Variants in ZNF155 observed in about 807,000 individuals in gnomAD.
ZNF155 encodes the protein zinc finger protein 155.
Under a neutral mutation model 11.9 loss-of-function variants are expected in ZNF155, and 15 were observed. The ratio of observed to expected loss-of-function variants is 1.26; its 90% CI spans 0.84 to 1.94. ZNF155 has a LOEUF of 1.94. Ranked by LOEUF, ZNF155 falls within the 30% of genes most tolerant of loss-of-function variation. ZNF155 has a pLI of 0.00. For missense variants in ZNF155, 602 were observed against 639.1 expected, an observed-to-expected ratio of 0.94 and a Z score of 0.63; for synonymous variants, 212 against 219.9, an observed-to-expected ratio of 0.96 and a Z score of 0.32.
At chr19:43,990,916 A>G (rs1292747456) in intron 2 of ZNF155, among the ~76,000 whole-genome samples, 1 of 152,136 alleles carries the variant, frequency 6.6e-6, no homozygotes, top group Non-Finnish European at 1.5e-5. Context: ...GAGCAGAGGT[A>G]CCCCAGAAGG....
Position 43,991,848 on chromosome 19 carries a change from A to AT in ZNF155, c.149_150insT (p.Gln50HisfsTer36), listed in dbSNP as rs755244045. 1.2e-6 allele frequency: 2 copies of AT among 1,613,814 alleles called. No homozygotes were observed. Among genetic ancestry groups the AT allele is most frequent in the Non-Finnish European group, 1.7e-6 (2 of 1,179,794 alleles). ...TGACCTTACCTATTCACAGGGCATC[A>AT]ACCGTTCCACCAAGATACTTGCCAC... On this transcript the variant is annotated frameshift_variant, in exon 4 of 5. Coordinates refer to ENST00000270014, the MANE Select transcript of ZNF155 (RefSeq NM_198089.3). LOFTEE classifies it high-confidence loss of function.
At chr19:43,989,415 C>T (rs1474587261) in intron 2 of ZNF155, among the ~76,000 whole-genome samples, 1 of 127,844 alleles carries the variant, frequency 7.8e-6, no homozygotes, top group East Asian at 2.8e-4. Context: ...CTCCTCAGCG[C>T]AGCGGAATGA....
rs1227641578 is a variant in ZNF155 at position 43,996,096 on chromosome 19, G to A, written c.239G>A (p.Gly80Asp). 1 of 1,597,454 alleles carries A rather than the reference G, an allele frequency of 6.3e-7. No homozygotes were observed. The change falls in exon 5 of 5, where the codon GGC (glycine) becomes GAC (aspartate). Residue 80 changes from glycine to aspartate, a missense_variant. Coordinates refer to ENST00000270014, the MANE Select transcript of ZNF155 (RefSeq NM_198089.3). ...TATQREGNSG[G>D]KIQTELESVP... ...TCTTAAATCTGTGTCTTTATAGGAGGCAAGATCCAAACTGAGTTGGAGTCT... is the reference window on the plus strand; with the variant it reads ...TCTTAAATCTGTGTCTTTATAGGAGACAAGATCCAAACTGAGTTGGAGTCT...
At chr19:43,991,033 T>C (rs1158831110) in intron 2 of ZNF155, among the ~76,000 whole-genome samples, 1 of 152,204 alleles carries the variant, frequency 6.6e-6, no homozygotes, top group Non-Finnish European at 1.5e-5. Flanking sequence ...ATTGCATTGC[T>C]AGCATGTTCT....
chr19:43,997,421 A>G lies in ZNF155; in HGVS notation c.1564A>G (p.Lys522Glu). The G allele has an allele frequency of 1.2e-6, 2 of 1,606,418 alleles. No homozygotes were observed. Among genetic ancestry groups the G allele is most frequent in the Non-Finnish European group, 1.7e-6 (2 of 1,178,166 alleles). Residue 522 changes from lysine to glutamate, a missense_variant, in exon 5 of 5, where the codon AAG becomes GAG. By Grantham distance (56) the Lys-to-Glu change is moderately conservative. Coordinates refer to ENST00000270014, the MANE Select transcript of ZNF155 (RefSeq NM_198089.3). ...SKCEDCGRRY[K>E]RRLNLDILLS... Reference sequence around the variant, plus strand: ...ATGTGAGGATTGTGGGAGACGCTACAAGAGGCGCTTGAATCTGGATATACT... The same window carrying G: ...ATGTGAGGATTGTGGGAGACGCTACGAGAGGCGCTTGAATCTGGATATACT...
rs1470848913 is a variant in ZNF155, at chr19:43,986,447, G to GTTTTTTTT, written c.-85-2011_-85-2010insTTTTTTTT. Among the ~76,000 whole-genome samples the GTTTTTTTT allele has an allele frequency of 1.4e-5, 2 of 142,182 alleles. 1 individual carries two copies. 93.3% of individuals were successfully genotyped at this position (142,182 alleles called of 152,430 possible). On this transcript the variant is annotated intron_variant, in intron 1 of 4. Transcript: ENST00000270014. ...TGCTCATCCAATATTATTCCCATTT[G>GTTTTTTTT]TGTTTTTTTTTTTTTTTTTTTAGAC...
At chr19:43,992,926 A>G (rs1056733539) in intron 4 of ZNF155, among the ~76,000 whole-genome samples, 8 of 152,254 alleles carry the variant, frequency 5.3e-5, no homozygotes, top group African/African-American at 1.9e-4. Flanking sequence ...CATTGTTTTT[A>G]TGACCACACT....
At chr19:43,988,632 A>T in intron 2 of ZNF155, 74 bp downstream of exon 2, 1 of 1,516,234 alleles carries the variant, frequency 6.6e-7, no homozygotes, top group Non-Finnish European at 8.9e-7. Flanking sequence ...TTTCTCTGTC[A>T]TGAGAAGACT....
intron 1 of ZNF155, among the ~76,000 whole-genome samples, chr19:43,985,533 CTTTTTTTTTTTT>C (rs752604890): frequency 1.0e-5 from 1 of 97,876 alleles, no homozygotes; most frequent in African/African-American, 3.5e-5. Context: ...TGCTCTTTTT[CTTTTTTTTTTTT>C]TTTTTTTTTT....
chr19:43,984,526 A>G (rs1352414002), intron 1 of ZNF155, among the ~76,000 whole-genome samples: 1 of 152,038 alleles, frequency 6.6e-6, no homozygotes. Context: ...GACCTCGTTC[A>G]GTCCGCCTCC....
At chr19:43,989,331 A>T (rs1369211341) in intron 2 of ZNF155, among the ~76,000 whole-genome samples, 1 of 152,240 alleles carries the variant, frequency 6.6e-6, no homozygotes, top group African/African-American at 2.4e-5. Context: ...TAACCAAAGC[A>T]GTAGAAAGCC....
At chr19:43,993,757 G>A (rs139721612) in intron 4 of ZNF155, among the ~76,000 whole-genome samples, 10 of 152,204 alleles carry the variant, frequency 6.6e-5, no homozygotes, top group Non-Finnish European at 1.2e-4. Context: ...ATATATCTAC[G>A]TACCACTGTA....
chr19:43,992,021 A>G, intron 4 of ZNF155, 87 bp downstream of exon 4: 1 of 1,175,398 alleles, frequency 8.5e-7, no homozygotes, highest in South Asian at 1.5e-5. Context: ...GCTCTGATGT[A>G]AATGACCACA....
chr19:43,997,660 A>G lies in ZNF155; in HGVS notation c.*186A>G. ...GAAGGGTCCCTGGAGACCCCCAGCCAAACGGGTCAGTGTCTCATCCCCACA... is the reference window on the plus strand; with the variant it reads ...GAAGGGTCCCTGGAGACCCCCAGCCGAACGGGTCAGTGTCTCATCCCCACA... On this transcript the variant is annotated 3_prime_UTR_variant, in exon 5 of 5. Coordinates refer to ENST00000270014, the MANE Select transcript of ZNF155 (RefSeq NM_198089.3). The G allele has an allele frequency of 1.6e-6, 1 of 606,150 alleles. No homozygotes were observed. Among genetic ancestry groups the G allele is most frequent in the East Asian group, 3.0e-5 (1 of 33,616 alleles). The allele number at this position is 606,150 out of a possible 1,614,324, so 37.5% of individuals were successfully genotyped here. A position where few individuals can be genotyped will look rare whatever the true frequency, so the allele number is the denominator to read the frequency against.
rs150521641 is a variant in ZNF155, at chr19:43,995,669, G to A, written c.236-424G>A. Among the ~76,000 whole-genome samples, 89 of 152,190 alleles carry A rather than the reference G, an allele frequency of 5.8e-4. 1 individual carries two copies. The East Asian group carries it at 0.015, about 25-fold the overall frequency. ...TTAAAGGCTTGAGCCACCGCACCTGGCCTAGTTTAACTTCTTTATAAGGAT... is the reference window on the plus strand; with the variant it reads ...TTAAAGGCTTGAGCCACCGCACCTGACCTAGTTTAACTTCTTTATAAGGAT... On this transcript the variant is annotated intron_variant, in intron 4 of 4. Transcript: ENST00000270014.
At chr19:43,994,498 A>G (rs905644314) in intron 4 of ZNF155, among the ~76,000 whole-genome samples, 1 of 152,278 alleles carries the variant, frequency 6.6e-6, no homozygotes, top group Admixed American at 6.5e-5. Context: ...GTGCAAATTC[A>G]GGAGGTTTTC....
chr19:43,986,449 G>GTTTTTTT (rs869271791), intron 1 of ZNF155, among the ~76,000 whole-genome samples: 3 of 58,028 alleles, frequency 5.2e-5, no homozygotes, highest in African/African-American at 1.1e-4. Flanking sequence ...TCCCATTTGT[G>GTTTTTTT]TTTTTTTTTT....
Position 43,985,533 on chromosome 19 carries a change from C to CT in ZNF155, c.-86+1310dup, listed in dbSNP as rs752604890. ...TCTGTGGAAAGGTATTGCTCTTTTT[C>CT]TTTTTTTTTTTTTTTTTTTTTTCCT... On this transcript the variant is annotated intron_variant, in intron 1 of 4. Coordinates refer to ENST00000270014, the MANE Select transcript of ZNF155 (RefSeq NM_198089.3). Among the ~76,000 whole-genome samples the CT allele has an allele frequency of 6.1e-3, 600 of 97,848 alleles. 6 individuals carry two copies. Among genetic ancestry groups the CT allele is most frequent in the African/African-American group, 0.011 (312 of 28,230 alleles). 64.2% of individuals were successfully genotyped at this position (97,848 alleles called of 152,430 possible).
intron 1 of ZNF155, among the ~76,000 whole-genome samples, chr19:43,985,597 GTGGCGCGATCTGGGCTCAGTGCAA>G (rs1160268212): frequency 6.8e-6 from 1 of 146,992 alleles, no homozygotes; most frequent in African/African-American, 2.5e-5. Context: ...CTAGAGTGCA[GTGGCGCGATCTGGGCTCAGTGCAA>G]TAGGCCGCCT....
Sources: allele counts gnomAD v4.1 joint callset (sites outside exome capture counted in the v4.1 genomes callset), GRCh38; gene constraint gnomAD v4.1.1; transcripts MANE v1.5; gene names NCBI Gene and HGNC (gene_info 2026-07-23, HGNC 2026-07-21).